Variants in SGCG observed in about 807,000 individuals in gnomAD.
SGCG encodes sarcoglycan gamma.
A neutral mutation model predicts 29.3 loss-of-function variants in SGCG; 26 were observed. That is an observed-to-expected ratio of 0.89 (90% CI 0.65 to 1.23). The LOEUF (loss-of-function observed/expected upper bound fraction) is 1.23. SGCG is among the 50% of genes most tolerant of loss of function. The pLI is 0.00. For missense variants in SGCG, 353 were observed against 356.0 expected, an observed-to-expected ratio of 0.99 and a Z score of 0.07; for synonymous variants, 145 against 129.7, an observed-to-expected ratio of 1.12 and a Z score of -0.80.
intron 6 of SGCG, among the ~76,000 whole-genome samples, chr13:23,297,119 T>C (rs548300083): frequency 4.4e-4 from 67 of 152,312 alleles, no homozygotes; most frequent in African/African-American, 1.4e-3. Flanking sequence ...TTTTCTCATA[T>C]TAAACATTAC....
chr13:23,210,010 C>A (rs1878131284), intron 2 of SGCG, among the ~76,000 whole-genome samples: 1 of 152,072 alleles, frequency 6.6e-6, no homozygotes, highest in South Asian at 2.1e-4. Flanking sequence ...AATAAACGTA[C>A]CTGATGACCC....
At chr13:23,241,345 T>C (rs7326427) in intron 3 of SGCG, among the ~76,000 whole-genome samples, 1 of 151,794 alleles carries the variant, frequency 6.6e-6, no homozygotes, top group Non-Finnish European at 1.5e-5. Context: ...GAACAAGTAT[T>C]TGTCAATAAG....
chr13:23,198,831 G>A (rs188099833), intron 1 of SGCG, among the ~76,000 whole-genome samples: 80 of 141,090 alleles, frequency 5.7e-4, no homozygotes, highest in East Asian at 2.2e-3. Flanking sequence ...GGGCAACAAA[G>A]CGAGACTCCA....
intron 4 of SGCG, among the ~76,000 whole-genome samples, chr13:23,275,076 G>A (rs1881017125): frequency 6.8e-6 from 1 of 147,536 alleles, no homozygotes; most frequent in African/African-American, 2.5e-5. Context: ...GATGGGATGG[G>A]CTGAGAAACC....
chr13:23,205,826 G>A (rs1343083549), intron 2 of SGCG, among the ~76,000 whole-genome samples: 2 of 152,052 alleles, frequency 1.3e-5, no homozygotes, highest in Non-Finnish European at 2.9e-5. Flanking sequence ...GTTGCTAATT[G>A]GTAGCGAGTA....
chr13:23,260,057 G>A (rs956412660), intron 4 of SGCG, among the ~76,000 whole-genome samples: 16 of 152,130 alleles, frequency 1.1e-4, no homozygotes, highest in African/African-American at 3.9e-4. Context: ...ATGTCTATTA[G>A]GTCAGGTTGC....
chr13:23,245,306 T>G (rs1382236417), intron 3 of SGCG: 1 of 152,110 alleles, frequency 6.6e-6, no homozygotes, highest in African/African-American at 2.4e-5. Flanking sequence ...AATTTGCAGC[T>G]GGAAGTGAGG....
At chr13:23,266,156 C>T (rs1173500484) in intron 4 of SGCG, among the ~76,000 whole-genome samples, 3 of 151,926 alleles carry the variant, frequency 2.0e-5, no homozygotes, top group Non-Finnish European at 4.4e-5. Flanking sequence ...CCTGTAATCC[C>T]AGCTACTCAA....
intron 3 of SGCG, among the ~76,000 whole-genome samples, chr13:23,243,026 A>G (rs1879566619): frequency 6.6e-6 from 1 of 152,206 alleles, no homozygotes; most frequent in Non-Finnish European, 1.5e-5. Flanking sequence ...TCTTAAAAAT[A>G]TAGATTAAAG....
chr13:23,202,936 G>T (rs973403371), intron 1 of SGCG, among the ~76,000 whole-genome samples: 1 of 152,050 alleles, frequency 6.6e-6, no homozygotes, highest in Non-Finnish European at 1.5e-5. Flanking sequence ...AGGGAAAAAT[G>T]AATAATTTTT....
At chr13:23,263,943 A>G (rs187543500) in intron 4 of SGCG, among the ~76,000 whole-genome samples, 54 of 152,306 alleles carry the variant, frequency 3.5e-4, no homozygotes, top group African/African-American at 1.3e-3. Flanking sequence ...AATAGAAGCC[A>G]TATATGACAA....
chr13:23,309,073 G>A (rs763491383), intron 6 of SGCG, among the ~76,000 whole-genome samples: 13 of 151,948 alleles, frequency 8.6e-5, no homozygotes, highest in Non-Finnish European at 1.8e-4. Context: ...ATAATTATTA[G>A]AATTCATTAC....
intron 4 of SGCG, among the ~76,000 whole-genome samples, chr13:23,251,862 G>T (rs182333032): frequency 6.6e-6 from 1 of 152,094 alleles, no homozygotes; most frequent in African/African-American, 2.4e-5. Context: ...GAGGTGTACT[G>T]CCAACACAAA....
chr13:23,302,672 A>G (rs201024417), intron 6 of SGCG, among the ~76,000 whole-genome samples: 4 of 128,742 alleles, frequency 3.1e-5, no homozygotes, highest in Non-Finnish European at 7.0e-5. Context: ...TTTTTAAAAG[A>G]AAAAATCAAT....
chr13:23,295,638 A>C (rs1260243383), intron 6 of SGCG, 151 bp downstream of exon 6: 1 of 688,556 alleles, frequency 1.5e-6, no homozygotes, highest in African/African-American at 1.8e-5. Context: ...ACTAGATAGT[A>C]TTTATTAAAA....
chr13:23,275,698 T>C (rs1028316782), intron 4 of SGCG, among the ~76,000 whole-genome samples: 1 of 152,170 alleles, frequency 6.6e-6, no homozygotes, highest in East Asian at 1.9e-4. Flanking sequence ...CAAGTAAAGG[T>C]CATTAGTGCC....
At chr13:23,190,600 G>A (rs61948472) in intron 1 of SGCG, among the ~76,000 whole-genome samples, 92,298 of 151,580 alleles carry the variant, frequency 0.61, 29,068 homozygotes, top group African/African-American at 0.79. Flanking sequence ...TTATATGTCC[G>A]GCCGTAATAA....
chr13:23,305,780 G>T (rs1032408567), intron 6 of SGCG, among the ~76,000 whole-genome samples: 1 of 152,112 alleles, frequency 6.6e-6, no homozygotes, highest in Non-Finnish European at 1.5e-5. Context: ...TTAATATGGG[G>T]TATTACATTA....
At chr13:23,163,636 T>C in the SGCG span, among the ~76,000 whole-genome samples, 1 of 152,192 alleles carries the variant, frequency 6.6e-6, no homozygotes, top group African/African-American at 2.4e-5. Context: ...AAAGCTGAAC[T>C]GGACAAGTAA....
Sources: allele counts gnomAD v4.1 joint callset (sites outside exome capture counted in the v4.1 genomes callset), GRCh38; gene constraint gnomAD v4.1.1; transcripts MANE v1.5; gene names NCBI Gene and HGNC (gene_info 2026-07-23, HGNC 2026-07-21).